Variants in USP42 observed in about 807,000 individuals in gnomAD.
USP42 encodes the protein ubiquitin carboxyl-terminal hydrolase 42.
USP42 carries 23 observed loss-of-function variants against 113.0 expected under a neutral mutation model. The ratio of observed to expected loss-of-function variants is 0.20; its 90% CI spans 0.15 to 0.29. USP42 has a LOEUF of 0.29. USP42 is among the 10% of genes least tolerant of loss of function. USP42 has a pLI of 1.00. For missense variants in USP42, 2,174 were observed against 1,779.8 expected, an observed-to-expected ratio of 1.22 and a Z score of -3.99; for synonymous variants, 933 against 699.0, an observed-to-expected ratio of 1.33 and a Z score of -5.28.
chr7:6,148,315 C>T (rs762675651), intron 12 of USP42, among the ~76,000 whole-genome samples: 10 of 152,050 alleles, frequency 6.6e-5, no homozygotes, highest in Non-Finnish European at 1.5e-4. Context: ...CCAGCCTGGG[C>T]AACAGAGTGA....
In USP42 at chr7:6,123,183, C is replaced by A. The variant is rs568102121; in HGVS notation, c.442+7660C>A. ...CCATTTATGAAATGACCCTCTTCATCCCAAATAATATTCTTTGCTCTGAAA... is the reference window on the plus strand; with the variant it reads ...CCATTTATGAAATGACCCTCTTCATACCAAATAATATTCTTTGCTCTGAAA... On this transcript the variant is annotated intron_variant, in intron 3 of 17. Coordinates refer to ENST00000306177, the MANE Select transcript of USP42 (RefSeq NM_032172.3). 3.4e-4 allele frequency among the ~76,000 whole-genome samples: 51 copies of A among 152,218 alleles called. No homozygotes were observed. The South Asian group carries it at 0.01, about 31-fold the overall frequency.
intron 2 of USP42, among the ~76,000 whole-genome samples, chr7:6,112,899 T>G (rs947731323): frequency 1.9e-4 from 27 of 139,008 alleles, no homozygotes; most frequent in Non-Finnish European, 3.8e-4. Flanking sequence ...TTAGTAAGTT[T>G]CTTTTTTTTT....
At chr7:6,143,477 ATCAT>A (rs2128507788) in intron 8 of USP42, among the ~76,000 whole-genome samples, 1 of 152,220 alleles carries the variant, frequency 6.6e-6, no homozygotes, top group South Asian at 2.1e-4. Flanking sequence ...TCTAATTTTG[ATCAT>A]TCATTAATAT....
chr7:6,111,603 A>ATTT (rs1201458342), intron 2 of USP42, among the ~76,000 whole-genome samples: 5 of 137,846 alleles, frequency 3.6e-5, no homozygotes, highest in African/African-American at 5.3e-5. Flanking sequence ...TTTTATTCCA[A>ATTT]TTTTTTTTTT....
At chr7:6,155,354 T>A (rs978395116) in intron 15 of USP42, among the ~76,000 whole-genome samples, 159 bp downstream of exon 15, 1 of 152,214 alleles carries the variant, frequency 6.6e-6, no homozygotes, top group African/African-American at 2.4e-5. Flanking sequence ...AGTTCACTAT[T>A]TTTACAGATT....
In USP42 at chr7:6,150,020, C is replaced by G. The variant is rs761683002; in HGVS notation, c.1824C>G (p.Gly608=). Residue 608 remains glycine, a synonymous_variant, in exon 13 of 18, where the codon GGC becomes GGG. Coordinates refer to ENST00000306177, the MANE Select transcript of USP42 (RefSeq NM_032172.3). ...ACTCCAGCGTGCTGGTGCCCTATGGCGCCGAGTCCTCTGAGGACTCTGACG... is the reference window on the plus strand; with the variant it reads ...ACTCCAGCGTGCTGGTGCCCTATGGGGCCGAGTCCTCTGAGGACTCTGACG... ...KLNSSVLVPY[G]AESSEDSDEE... The G allele has an allele frequency of 3.7e-6, 6 of 1,612,570 alleles. No individual in the cohort carries two copies. The highest frequency in any genetic ancestry group is 1.1e-5 in the South Asian group (1 of 90,920).
intron 3 of USP42, chr7:6,116,978 C>T (rs970039574): frequency 2.3e-5 from 10 of 441,714 alleles, no homozygotes; most frequent in Admixed American, 2.2e-4. Context: ...TTTGTGCTTG[C>T]TTCCTCCCTC....
chr7:6,095,546 G>C, the USP42 span, among the ~76,000 whole-genome samples: 8 of 151,018 alleles, frequency 5.3e-5, no homozygotes, highest in Non-Finnish European at 2.9e-5. Flanking sequence ...GCAGGCACCT[G>C]TAATCCCAGC....
At chr7:6,117,470 C>T (rs1270059471) in intron 3 of USP42, among the ~76,000 whole-genome samples, 1 of 152,200 alleles carries the variant, frequency 6.6e-6, no homozygotes, top group Non-Finnish European at 1.5e-5. Flanking sequence ...GGTCATTTTT[C>T]ACTTTGTGCC....
chr7:6,117,464 AT>A (rs1221350905), intron 3 of USP42, among the ~76,000 whole-genome samples: 1 of 152,150 alleles, frequency 6.6e-6, no homozygotes, highest in Non-Finnish European at 1.5e-5. Context: ...CATCTGGGTC[AT>A]TTTTCACTTT....
chr7:6,160,386 C>T (rs368831707), intron 17 of USP42, among the ~76,000 whole-genome samples, 169 bp from the exon 18 acceptor site: 10 of 151,696 alleles, frequency 6.6e-5, no homozygotes, highest in Non-Finnish European at 8.8e-5. Context: ...CTGAGCTGCC[C>T]GCACCGCCAG....
At chr7:6,093,789 T>G in the USP42 span, among the ~76,000 whole-genome samples, 4 of 151,218 alleles carry the variant, frequency 2.6e-5, no homozygotes, top group Non-Finnish European at 5.9e-5. Flanking sequence ...GTTTATATAT[T>G]TTCTTCTTTG....
At position 6,154,098 on chromosome 7, in the gene USP42, G is replaced by C. The variant is rs764760055; in HGVS notation, c.2544G>C (p.Leu848Phe). 6.2e-7 allele frequency: 1 copy of C among 1,605,024 alleles called. No individual in the cohort carries two copies. The highest frequency in any genetic ancestry group is 1.1e-5 in the South Asian group (1 of 90,948). ...MIAEGPRDSALAEAPEGLSPA... is the reference protein window; with the variant it reads ...MIAEGPRDSAFAEAPEGLSPA... ...CGGAGGGCCCGCGGGACTCGGCGTT[G>C]GCGGAAGCCCCGGAAGGGTTGAGTC... The change falls in exon 15 of 18, where the codon TTG becomes TTC. Residue 848 changes from leucine (L) to phenylalanine (F), a missense_variant. Transcript: ENST00000306177.
At chr7:6,107,737 T>C (rs560406945) in intron 1 of USP42, among the ~76,000 whole-genome samples, 12 of 152,134 alleles carry the variant, frequency 7.9e-5, no homozygotes, top group Non-Finnish European at 1.3e-4. Context: ...TGCATTTTTT[T>C]CTTCTGTCCC....
intron 1 of USP42, among the ~76,000 whole-genome samples, chr7:6,109,700 C>A (rs1171597118): frequency 1.6e-5 from 2 of 125,618 alleles, no homozygotes; most frequent in Admixed American, 8.1e-5. Context: ...CCCGCCCGGC[C>A]TTTTTTTTTT....
At chr7:6,120,189 C>T (rs1056888343) in intron 3 of USP42, among the ~76,000 whole-genome samples, 3 of 152,192 alleles carry the variant, frequency 2.0e-5, no homozygotes, top group South Asian at 2.1e-4. Context: ...TGGTCTTGAT[C>T]TCCTGACCTC....
At position 6,157,498 on chromosome 7, in the gene USP42, T is replaced by A; in HGVS notation, c.3943+443T>A. 1.6e-6 allele frequency: 1 copy of A among 623,418 alleles called. No individual in the cohort carries two copies. Among genetic ancestry groups the A allele is most frequent in the Non-Finnish European group, 2.0e-6 (1 of 499,440 alleles). 38.6% of individuals were successfully genotyped at this position (623,418 alleles called of 1,614,324 possible). ...CTGCAACCTCTGCCTCCCAGGTTCA[T>A]GCTGTTCTCCTGCCTCAGCCTCCTG... On this transcript the variant is annotated intron_variant, in intron 16 of 17. Transcript: ENST00000306177. This position sits in a 1 kb window ranked among gnomAD's most constrained non-coding sequence, Gnocchi z 4.1.
chr7:6,087,542 GC>G, the USP42 span, among the ~76,000 whole-genome samples: 4 of 150,252 alleles, frequency 2.7e-5, no homozygotes, highest in East Asian at 5.8e-4. Flanking sequence ...TTGCCATGTT[GC>G]CCAGGCTGAT....
chr7:6,115,483 T>C lies in USP42; in HGVS notation c.402T>C (p.Pro134=), dbSNP rs1050658771. 1 of 1,614,048 alleles carries C rather than the reference T, an allele frequency of 6.2e-7. No individual in the cohort carries two copies. Among genetic ancestry groups the C allele is most frequent in the East Asian group, 2.2e-5 (1 of 44,890 alleles). Residue 134 remains proline, a synonymous_variant, in exon 3 of 18, where the codon CCT becomes CCC. Coordinates refer to ENST00000306177, the MANE Select transcript of USP42 (RefSeq NM_032172.3). ...TGCAGTGTTTAACCTACACACCACCTCTTGCCAATTACATGCTATCACATG... is the reference window on the plus strand; with the variant it reads ...TGCAGTGTTTAACCTACACACCACCCCTTGCCAATTACATGCTATCACATG... The part of the protein sequence containing the change: ...AALQCLTYTP[P]LANYMLSHEH...
Sources: gnomAD v4.1 joint callset for allele counts (sites outside exome capture counted in the v4.1 genomes callset) on GRCh38, gnomAD v4.1.1 for gene constraint, Gnocchi (gnomAD v3.1) non-coding constraint, MANE v1.5 for transcripts, NCBI Gene and HGNC (gene_info 2026-07-23, HGNC 2026-07-21) for gene names.